VWA8: variants seen among roughly 807,000 people sequenced by gnomAD.
The protein encoded by VWA8 is von Willebrand factor A domain containing 8, also known as von Willebrand factor A domain-containing protein 8.
In VWA8, 221 loss-of-function variants were observed where a neutral mutation model predicts 241.5. The observed-to-expected ratio is 0.91, with a 90% CI of 0.82 to 1.02. The LOEUF is 1.02. Ranked by LOEUF, VWA8 falls within the 50% of genes least tolerant of loss-of-function variation. The probability of loss-of-function intolerance (pLI) is 0.00; values close to 1 mark genes in which losing one functional copy is unlikely to be tolerated. For synonymous variants in VWA8, 852 were observed against 827.1 expected, an observed-to-expected ratio of 1.03 and a Z score of -0.52; for missense variants, 2,322 against 2,328.7, an observed-to-expected ratio of 1.00 and a Z score of 0.06.
chr13:41,816,192 C>T (rs1006857575), intron 16 of VWA8, among the ~76,000 whole-genome samples: 3 of 152,092 alleles, frequency 2.0e-5, no homozygotes, highest in Non-Finnish European at 4.4e-5. Flanking sequence ...TATGTTTAAT[C>T]ATTGAGACCA....
intron 18 of VWA8, 84 bp from the exon 19 acceptor site, chr13:41,783,985 C>T: frequency 3.3e-6 from 3 of 914,198 alleles, no homozygotes; most frequent in Non-Finnish European, 5.2e-6. Flanking sequence ...TGCAATACAG[C>T]TTCAGTAATA....
intron 5 of VWA8, among the ~76,000 whole-genome samples, chr13:41,888,121 T>C (rs951885720): frequency 1.3e-5 from 2 of 152,194 alleles, no homozygotes; most frequent in Admixed American, 1.3e-4. Flanking sequence ...ACCTACATTA[T>C]TGTGACTGCT....
rs61744775 is a variant in VWA8, at chr13:41,865,793, G to A, written c.1368C>T (p.Ile456=). Residue 456 remains isoleucine, a synonymous_variant, in exon 12 of 45, where the codon ATC becomes ATT. Coordinates refer to ENST00000379310, the MANE Select transcript of VWA8 (RefSeq NM_015058.2). ...CTAAGGTATCGGCAAAGTTCTTAGC[G>A]ATCACTGTTTTTCCACAACCCTACA... The part of the protein sequence containing the change: ...IGGKGCGKTV[I]AKNFADTLGY... 2,965 of 1,614,068 alleles carry A rather than the reference G, an allele frequency of 1.8e-3. 12 individuals are homozygous for A. Among genetic ancestry groups the A allele is most frequent in the South Asian group, 7.6e-3 (695 of 91,070 alleles).
intron 39 of VWA8, among the ~76,000 whole-genome samples, chr13:41,606,940 G>T (rs1002421776): frequency 6.6e-6 from 1 of 152,010 alleles, no homozygotes; most frequent in Non-Finnish European, 1.5e-5. Context: ...CATGAAACTC[G>T]CATACTTTAT....
At chr13:41,777,945 T>C (rs369875809) in intron 20 of VWA8, 40 bp downstream of exon 20, 2 of 1,514,472 alleles carry the variant, frequency 1.3e-6, no homozygotes, top group African/African-American at 1.4e-5. Context: ...ATTGTTACTA[T>C]CATTTTTTCA....
intron 1 of VWA8, among the ~76,000 whole-genome samples, chr13:41,950,461 C>T (rs769876942): frequency 6.6e-6 from 1 of 151,886 alleles, no homozygotes; most frequent in Non-Finnish European, 1.5e-5. Flanking sequence ...CTCCGCCTCC[C>T]GGGTTCACAC....
At chr13:41,595,709 C>A (rs576652181) in intron 40 of VWA8, among the ~76,000 whole-genome samples, 1 of 152,216 alleles carries the variant, frequency 6.6e-6, no homozygotes, top group South Asian at 2.1e-4. Context: ...TTTTGTGCTG[C>A]AACGGTATTC....
chr13:41,955,727 T>C (rs976706246), intron 1 of VWA8: 8 of 152,206 alleles, frequency 5.3e-5, no homozygotes, highest in Non-Finnish European at 1.2e-4. Context: ...CTTGGAGTCC[T>C]TATGTAATGA....
At chr13:41,573,424 AAC>A (rs1156305730) in intron 43 of VWA8, among the ~76,000 whole-genome samples, 1 of 147,662 alleles carries the variant, frequency 6.8e-6, no homozygotes, top group Non-Finnish European at 1.5e-5. Flanking sequence ...TCTCAAAACA[AAC>A]AAAGAATAAG....
rs557892214 is a variant in VWA8 at position 41,944,815 on chromosome 13, G to C, written c.241+5121C>G. ...TACTGTATGCAAACAGCACTAACTC[G>C]GGGCATTTGTCAAAAAAAATCAACA... On this transcript the variant is annotated intron_variant, in intron 2 of 44. Transcript: ENST00000379310. 1.0e-4 allele frequency among the ~76,000 whole-genome samples: 15 copies of C among 146,998 alleles called. No homozygotes were observed. In the East Asian group the frequency reaches 3.0e-3, roughly 30 times the overall value.
rs561709534 is a variant in VWA8, at chr13:41,573,671, T to C, written c.5370+2069A>G. On this transcript the variant is annotated intron_variant, in intron 43 of 44. Transcript: ENST00000379310. Reference sequence around the variant, plus strand: ...TGCTCTGTCGCCCAGGCTGGAGACCTCAGTGGCGTGATCTTGGTTCGCTGC... The same window carrying C: ...TGCTCTGTCGCCCAGGCTGGAGACCCCAGTGGCGTGATCTTGGTTCGCTGC... Among the ~76,000 whole-genome samples, 163 of 149,444 alleles carry C rather than the reference T, an allele frequency of 1.1e-3. 1 individual carries two copies. Among genetic ancestry groups the C allele is most frequent in the African/African-American group, 4.0e-3 (157 of 39,690 alleles).
chr13:41,950,667 C>CTTTTT (rs373790890), intron 1 of VWA8, among the ~76,000 whole-genome samples: 1 of 119,522 alleles, frequency 8.4e-6, no homozygotes, highest in African/African-American at 3.4e-5. Flanking sequence ...CACACTCAGC[C>CTTTTT]TTTTTTTTTT....
intron 12 of VWA8, among the ~76,000 whole-genome samples, chr13:41,849,159 A>C (rs1294336001): frequency 6.6e-6 from 1 of 152,202 alleles, no homozygotes; most frequent in Admixed American, 6.5e-5. Flanking sequence ...ATCAGCAATA[A>C]AGTTCTACGT....
intron 43 of VWA8, among the ~76,000 whole-genome samples, chr13:41,571,522 C>T (rs549509287): frequency 1.3e-5 from 2 of 152,130 alleles, no homozygotes; most frequent in Non-Finnish European, 2.9e-5. Context: ...CTGGTTTTTG[C>T]ATTTTTTGGT....
At chr13:41,658,623 C>T (rs899132988) in intron 37 of VWA8, among the ~76,000 whole-genome samples, 3 of 152,198 alleles carry the variant, frequency 2.0e-5, no homozygotes, top group African/African-American at 4.8e-5. Context: ...TGTCTGCCTC[C>T]ACGTCCCATA....
At chr13:41,688,752 C>T (rs1316777691) in intron 34 of VWA8, among the ~76,000 whole-genome samples, 1 of 152,054 alleles carries the variant, frequency 6.6e-6, no homozygotes, top group Non-Finnish European at 1.5e-5. Context: ...CACATGTTCT[C>T]ACAAGTGGGA....
chr13:41,861,186 G>A (rs1258650997), intron 12 of VWA8, among the ~76,000 whole-genome samples: 2 of 152,038 alleles, frequency 1.3e-5, no homozygotes, highest in Non-Finnish European at 2.9e-5. Flanking sequence ...ACTACAGCCC[G>A]GGTGACAGTG....
chr13:41,852,256 T>C (rs1872556916), intron 12 of VWA8, among the ~76,000 whole-genome samples: 1 of 152,212 alleles, frequency 6.6e-6, no homozygotes, highest in South Asian at 2.1e-4. Context: ...GCCTGAGAAA[T>C]GTCTATTCAG....
chr13:41,637,721 A>G (rs1250290648), intron 37 of VWA8, among the ~76,000 whole-genome samples: 3 of 152,218 alleles, frequency 2.0e-5, no homozygotes, highest in Non-Finnish European at 4.4e-5. Context: ...AAGTATGACT[A>G]GAATTTTTAT....
Sources: gnomAD v4.1 joint callset for allele counts (sites outside exome capture counted in the v4.1 genomes callset) on GRCh38, gnomAD v4.1.1 for gene constraint, MANE v1.5 for transcripts, NCBI Gene and HGNC (gene_info 2026-07-23, HGNC 2026-07-21) for gene names.